Variants in ADGRL3 observed in about 807,000 individuals in gnomAD.
ADGRL3 encodes the protein calcium-independent alpha-latrotoxin receptor 3.
A neutral mutation model predicts 153.5 loss-of-function variants in ADGRL3; 62 were observed. The observed-to-expected ratio is 0.40, with a 90% CI of 0.33 to 0.50. The LOEUF is 0.50. ADGRL3 is among the 20% of genes least tolerant of loss of function. The pLI, the probability that ADGRL3 is intolerant of heterozygous loss-of-function variation, is 0.47. For missense variants in ADGRL3, 1,641 were observed against 1,859.4 expected (o/e 0.88, Z 2.16); for synonymous variants, 710 against 672.5 (o/e 1.06, Z -0.86).
chr4:61,231,707 C>T (rs1459795651), intron 1 of ADGRL3, among the ~76,000 whole-genome samples: 1 of 151,958 alleles, frequency 6.6e-6, no homozygotes, highest in East Asian at 1.9e-4. Flanking sequence ...CTTTATTTCC[C>T]ATAAATAAAT....
chr4:61,286,557 G>A lies in ADGRL3; in HGVS notation c.-240+84792G>A, dbSNP rs969423997. On this transcript the variant is annotated intron_variant, in intron 1 of 26. Transcript: ENST00000683033. The stretch of plus-strand genomic sequence containing the variant: ...ATAAATTCAGTCTGACTTTGAGATA[G>A]TACCTATATAACTGAAGCAAATTGG... Among the ~76,000 whole-genome samples the A allele has an allele frequency of 3.3e-5, 5 of 151,650 alleles. No homozygotes were observed. The East Asian group carries it at 9.7e-4, about 29-fold the overall frequency.
intron 9 of ADGRL3, 66 bp downstream of exon 9, chr4:61,813,955 G>T: frequency 1.3e-6 from 2 of 1,579,942 alleles, no homozygotes; most frequent in Non-Finnish European, 1.7e-6. Context: ...AATGATGGTT[G>T]TACATATGTA....
intron 8 of ADGRL3, among the ~76,000 whole-genome samples, chr4:61,800,451 T>A (rs1185866679): frequency 1.3e-5 from 2 of 152,270 alleles, no homozygotes; most frequent in African/African-American, 4.8e-5. Flanking sequence ...ATAAGTCTAT[T>A]GTAGAGGGTC....
At chr4:61,990,722 A>G (rs1156409552) in intron 19 of ADGRL3, among the ~76,000 whole-genome samples, 1 of 151,950 alleles carries the variant, frequency 6.6e-6, no homozygotes, top group African/African-American at 2.4e-5. Flanking sequence ...TTGAGAATTT[A>G]TAATTATCAA....
intron 13 of ADGRL3, among the ~76,000 whole-genome samples, chr4:61,927,357 C>CT (rs377282023): frequency 8.3e-5 from 12 of 145,150 alleles, no homozygotes; most frequent in East Asian, 6.2e-4. Flanking sequence ...AAAGACAATG[C>CT]TTTTTTTTAA....
intron 8 of ADGRL3, among the ~76,000 whole-genome samples, chr4:61,748,419 A>C (rs1441905438): frequency 4.0e-5 from 6 of 151,280 alleles, no homozygotes; most frequent in Admixed American, 3.9e-4. Context: ...CTAAGCCAAA[A>C]GAACAAAGCT....
intron 5 of ADGRL3, among the ~76,000 whole-genome samples, chr4:61,646,721 T>G (rs1173571047): frequency 6.6e-6 from 1 of 152,140 alleles, no homozygotes; most frequent in African/African-American, 2.4e-5. Context: ...AGGTTACTGC[T>G]GTCTTTTTGT....
chr4:61,398,101 C>T (rs1335492774), intron 2 of ADGRL3, among the ~76,000 whole-genome samples: 1 of 151,746 alleles, frequency 6.6e-6, no homozygotes, highest in African/African-American at 2.4e-5. Flanking sequence ...ACCTTGTGAA[C>T]AAAATCATTG....
At chr4:61,709,141 G>T (rs1028710771) in intron 6 of ADGRL3, among the ~76,000 whole-genome samples, 1 of 151,988 alleles carries the variant, frequency 6.6e-6, no homozygotes, top group African/African-American at 2.4e-5. Flanking sequence ...ATTATACACA[G>T]AAAATTTCCT....
intron 9 of ADGRL3, among the ~76,000 whole-genome samples, chr4:61,851,729 G>C (rs2149161352): frequency 6.6e-6 from 1 of 151,352 alleles, no homozygotes; most frequent in South Asian, 2.1e-4. Context: ...TTTCCTAAAA[G>C]TAGATTTTAA....
intron 8 of ADGRL3, among the ~76,000 whole-genome samples, chr4:61,742,144 G>A (rs777925757): frequency 2.0e-5 from 3 of 152,142 alleles, no homozygotes; most frequent in Non-Finnish European, 4.4e-5. Context: ...AGAATCCAAT[G>A]CTTCTACCCA....
At chr4:61,459,836 G>T (rs1299003077) in intron 2 of ADGRL3, among the ~76,000 whole-genome samples, 2 of 151,990 alleles carry the variant, frequency 1.3e-5, no homozygotes, top group East Asian at 3.9e-4. Context: ...TAGTGCAACT[G>T]TGCAAAACTT....
At chr4:61,980,964 G>T (rs1338345964) in intron 18 of ADGRL3, among the ~76,000 whole-genome samples, 1 of 152,130 alleles carries the variant, frequency 6.6e-6, no homozygotes, top group African/African-American at 2.4e-5. Context: ...TTTTTGTGTG[G>T]ACATATGTTT....
chr4:61,438,330 C>CT (rs33916204), intron 2 of ADGRL3, among the ~76,000 whole-genome samples: 2 of 150,972 alleles, frequency 1.3e-5, no homozygotes, highest in African/African-American at 4.9e-5. Flanking sequence ...TATCTCCTTC[C>CT]TTTTTTTATT....
intron 1 of ADGRL3, among the ~76,000 whole-genome samples, chr4:61,360,853 T>C (rs2096271959): frequency 1.3e-5 from 2 of 152,164 alleles, no homozygotes; most frequent in Admixed American, 6.5e-5. Flanking sequence ...ACAGCAATAA[T>C]AATAGCACCT....
chr4:61,399,361 TAA>T (rs1481630631), intron 2 of ADGRL3, among the ~76,000 whole-genome samples: 2 of 151,870 alleles, frequency 1.3e-5, no homozygotes, highest in East Asian at 1.9e-4. Flanking sequence ...AAGTTTACGT[TAA>T]GATACATCTT....
intron 25 of ADGRL3, among the ~76,000 whole-genome samples, chr4:62,061,797 TC>T (rs149442201): frequency 0.014 from 2,133 of 152,140 alleles, 23 homozygotes; most frequent in Non-Finnish European, 0.023. Context: ...AGTAGTTTGT[TC>T]CTTTTGTTTG....
chr4:61,994,785 CA>C (rs1414484270), intron 19 of ADGRL3, among the ~76,000 whole-genome samples: 37 of 151,586 alleles, frequency 2.4e-4, no homozygotes, highest in South Asian at 6.2e-4. Flanking sequence ...ATATATCCAT[CA>C]AAAATATATT....
chr4:61,272,713 T>A (rs191069347), intron 1 of ADGRL3, among the ~76,000 whole-genome samples: 1 of 152,298 alleles, frequency 6.6e-6, no homozygotes, highest in Non-Finnish European at 1.5e-5. Flanking sequence ...TTTGAGTGAC[T>A]TTAATTGTCA....
Sources: allele counts gnomAD v4.1 joint callset (sites outside exome capture counted in the v4.1 genomes callset), GRCh38; gene constraint gnomAD v4.1.1; transcripts MANE v1.5; gene names NCBI Gene and HGNC (gene_info 2026-07-23, HGNC 2026-07-21).